The following KAZN variants were observed in gnomAD, a reference collection of about 807,000 sequenced individuals.
KAZN encodes the protein kazrin.
KAZN carries 40 observed loss-of-function variants against 87.4 expected under a neutral mutation model. That is an observed-to-expected ratio of 0.46 (90% CI 0.36 to 0.60). The LOEUF (loss-of-function observed/expected upper bound fraction) is 0.60. Among genes scored for constraint, KAZN ranks in the 20% least tolerant of loss-of-function variants. The pLI, the probability that KAZN is intolerant of heterozygous loss-of-function variation, is 0.00. For missense variants in KAZN, 898 were observed against 1,073.9 expected (o/e 0.84, Z 2.29); for synonymous variants, 466 against 458.3 (o/e 1.02, Z -0.22).
At chr1:14,188,757 C>T (rs1646365330) in intron 2 of KAZN, among the ~76,000 whole-genome samples, 1 of 152,134 alleles carries the variant, frequency 6.6e-6, no homozygotes, top group Non-Finnish European at 1.5e-5. Context: ...AAATGTAAAC[C>T]AGTGTTAGTC....
chr1:14,297,986 G>A (rs886331215), intron 2 of KAZN, among the ~76,000 whole-genome samples: 1 of 152,130 alleles, frequency 6.6e-6, no homozygotes, highest in African/African-American at 2.4e-5. Context: ...AGCACTTTGG[G>A]AGGCCGAGGC....
intron 2 of KAZN, among the ~76,000 whole-genome samples, chr1:14,979,401 T>C (rs2101887042): frequency 6.6e-6 from 1 of 151,912 alleles, no homozygotes; most frequent in Admixed American, 6.6e-5. Context: ...AGAGGGAGAC[T>C]TCCTCTCAAA....
intron 2 of KAZN, among the ~76,000 whole-genome samples, chr1:14,461,222 G>A (rs1230664715): frequency 1.3e-5 from 2 of 152,158 alleles, no homozygotes; most frequent in Non-Finnish European, 2.9e-5. Flanking sequence ...ATTTCTGGGA[G>A]GGTGATGTGG....
At chr1:14,705,145 T>G (rs1572268877) in intron 1 of KAZN, among the ~76,000 whole-genome samples, 1 of 152,192 alleles carries the variant, frequency 6.6e-6, no homozygotes, top group East Asian at 1.9e-4. Flanking sequence ...AGCTGGCAGA[T>G]GGCCTCCCTC....
chr1:14,815,453 T>C (rs1262312578), intron 1 of KAZN, among the ~76,000 whole-genome samples: 4 of 152,198 alleles, frequency 2.6e-5, no homozygotes, highest in African/African-American at 4.8e-5. Flanking sequence ...ACGTTAATGA[T>C]AATCTTCCAA....
intron 1 of KAZN, among the ~76,000 whole-genome samples, chr1:13,934,262 C>G (rs920716039): frequency 2.0e-5 from 3 of 152,122 alleles, no homozygotes; most frequent in Non-Finnish European, 4.4e-5. Flanking sequence ...CAAAGTGTGC[C>G]TCAGATTTTC....
chr1:14,427,638 CAT>C (rs34950664), intron 2 of KAZN, among the ~76,000 whole-genome samples: 66,100 of 151,596 alleles, frequency 0.44, 14,866 homozygotes, highest in African/African-American at 0.52. Context: ...TATGTGCACA[CAT>C]GTTAGTAAAA....
intron 1 of KAZN, among the ~76,000 whole-genome samples, chr1:14,929,247 T>C (rs1659525320): frequency 6.6e-6 from 1 of 152,230 alleles, no homozygotes; most frequent in African/African-American, 2.4e-5. Context: ...TTAAAATATA[T>C]ATAATACATT....
intron 1 of KAZN, among the ~76,000 whole-genome samples, chr1:14,177,786 G>A (rs1397270839): frequency 8.1e-6 from 1 of 124,176 alleles, no homozygotes; most frequent in Non-Finnish European, 1.6e-5. Flanking sequence ...TTTTCACTGT[G>A]TGTGTGTGTT....
At chr1:14,011,343 C>T (rs935714862) in intron 1 of KAZN, among the ~76,000 whole-genome samples, 1 of 152,184 alleles carries the variant, frequency 6.6e-6, no homozygotes, top group Non-Finnish European at 1.5e-5. Context: ...CAGCTCATGC[C>T]CACTATAGGG....
chr1:14,352,940 T>G (rs533007613), intron 2 of KAZN, among the ~76,000 whole-genome samples: 1 of 152,246 alleles, frequency 6.6e-6, no homozygotes, highest in Non-Finnish European at 1.5e-5. Context: ...TTTTACTAGA[T>G]GAAGAAAAGG....
At chr1:14,100,138 G>A (rs919299535) in intron 1 of KAZN, among the ~76,000 whole-genome samples, 2 of 152,140 alleles carry the variant, frequency 1.3e-5, no homozygotes, top group African/African-American at 4.8e-5. Context: ...CCCCTCACTA[G>A]CCCAGGATAT....
At chr1:14,114,215 AT>A (rs1644560834) in intron 1 of KAZN, among the ~76,000 whole-genome samples, 1 of 152,094 alleles carries the variant, frequency 6.6e-6, no homozygotes, top group Middle Eastern at 3.4e-3. Context: ...CGGCCCCATT[AT>A]TTTCAGGCTA....
chr1:14,522,909 T>G (rs371433484), intron 2 of KAZN, among the ~76,000 whole-genome samples: 5 of 152,264 alleles, frequency 3.3e-5, no homozygotes, highest in Middle Eastern at 6.8e-3. Flanking sequence ...TCCACCTCAT[T>G]GATTCTCTGG....
chr1:14,379,963 C>T (rs141374649), intron 2 of KAZN, among the ~76,000 whole-genome samples: 150 of 152,252 alleles, frequency 9.9e-4, no homozygotes, highest in African/African-American at 3.4e-3. Flanking sequence ...AGCACAGTCC[C>T]GGTGGTGGTG....
chr1:14,876,861 CAA>C (rs1652821322), intron 1 of KAZN, among the ~76,000 whole-genome samples: 1 of 152,142 alleles, frequency 6.6e-6, no homozygotes, highest in East Asian at 1.9e-4. Flanking sequence ...TAGAATACTG[CAA>C]AGTCATCTAC....
At chr1:14,368,172 G>A (rs1174184964) in intron 2 of KAZN, among the ~76,000 whole-genome samples, 2 of 152,056 alleles carry the variant, frequency 1.3e-5, no homozygotes, top group African/African-American at 4.8e-5. Context: ...ACTGCTATGA[G>A]GGTATACGGT....
At chr1:14,073,085 G>A (rs958347346) in intron 1 of KAZN, among the ~76,000 whole-genome samples, 3 of 152,280 alleles carry the variant, frequency 2.0e-5, no homozygotes, top group Middle Eastern at 3.4e-3. Context: ...GGAGAAGAAC[G>A]CACATCTCAC....
chr1:14,343,801 C>T (rs2789740), intron 2 of KAZN, among the ~76,000 whole-genome samples: 8,395 of 152,278 alleles, frequency 0.055, 296 homozygotes, highest in South Asian at 0.087. Flanking sequence ...CATTTTGAGG[C>T]ACTTAACATG....
Sources: allele counts gnomAD v4.1 joint callset (sites outside exome capture counted in the v4.1 genomes callset), GRCh38; gene constraint gnomAD v4.1.1; transcripts MANE v1.5; gene names NCBI Gene and HGNC (gene_info 2026-07-23, HGNC 2026-07-21).